CAMTA1: variants seen among roughly 807,000 people sequenced by gnomAD.
The protein encoded by CAMTA1 is calmodulin-binding transcription activator 1.
Under a neutral mutation model 170.9 loss-of-function variants are expected in CAMTA1, and 27 were observed. The observed-to-expected ratio is 0.16, with a 90% CI of 0.12 to 0.22. The LOEUF is 0.22. Among genes scored for constraint, CAMTA1 ranks in the 10% least tolerant of loss-of-function variants. CAMTA1 has a pLI of 1.00. For missense variants in CAMTA1, 1,619 were observed against 2,217.2 expected (o/e 0.73, Z 5.42); for synonymous variants, 833 against 891.5 (o/e 0.93, Z 1.17).
chr1:7,541,650 C>T (rs909964748), intron 6 of CAMTA1, among the ~76,000 whole-genome samples: 6 of 152,192 alleles, frequency 3.9e-5, no homozygotes, highest in Admixed American at 6.5e-5. Flanking sequence ...ACATTTTCCC[C>T]GGCATGCACC....
chr1:7,504,204 C>T (rs748014733), intron 6 of CAMTA1, among the ~76,000 whole-genome samples: 3 of 152,212 alleles, frequency 2.0e-5, no homozygotes, highest in South Asian at 2.1e-4. Flanking sequence ...ATCAGCCTCC[C>T]GGGTCCTGCC....
chr1:7,703,918 G>C (rs1049816527), intron 11 of CAMTA1, among the ~76,000 whole-genome samples: 1 of 152,102 alleles, frequency 6.6e-6, no homozygotes, highest in East Asian at 2.0e-4. Context: ...GCTGGAGCTG[G>C]AACTTTGGAA....
chr1:7,592,017 G>A lies in CAMTA1; in HGVS notation c.511-48383G>A, dbSNP rs1039491082. ...GGGTTCAAGTGATTCTCCTGCCTCA[G>A]CCTCCTAAGTAGCTGGGATTACAGG... On this transcript the variant is annotated intron_variant, in intron 6 of 22. Transcript: ENST00000303635. The surrounding 1 kb of genome is among the most constrained non-coding windows in gnomAD (Gnocchi z 4.6). Among the ~76,000 whole-genome samples, 1 of 152,186 alleles carries A rather than the reference G, an allele frequency of 6.6e-6. No homozygotes were observed. The highest frequency in any genetic ancestry group is 2.4e-5 in the African/African-American group (1 of 41,450).
chr1:7,554,673 G>T (rs573418998), intron 6 of CAMTA1, among the ~76,000 whole-genome samples: 1 of 152,082 alleles, frequency 6.6e-6, no homozygotes, highest in African/African-American at 2.4e-5. Context: ...AAACACTGAC[G>T]ATGTCCCTCC....
At chr1:7,464,970 T>C (rs1456202938) in intron 5 of CAMTA1, among the ~76,000 whole-genome samples, 1 of 152,168 alleles carries the variant, frequency 6.6e-6, no homozygotes, top group Non-Finnish European at 1.5e-5. Flanking sequence ...GTGAGCTGCT[T>C]TCCCCACTTG....
chr1:7,325,480 G>T lies in CAMTA1; in HGVS notation c.438+75854G>T, dbSNP rs1679142036. On this transcript the variant is annotated intron_variant, in intron 5 of 22. Transcript: ENST00000303635. The surrounding 1 kb of genome is among the most constrained non-coding windows in gnomAD (Gnocchi z 5.0). ...GAGCACGTTCAAAGACAGCAAGGAAGCCAGCGTGGCAGGGCCAGCTAGGAT... is the reference window on the plus strand; with the variant it reads ...GAGCACGTTCAAAGACAGCAAGGAATCCAGCGTGGCAGGGCCAGCTAGGAT... Among the ~76,000 whole-genome samples, 2 of 152,180 alleles carry T rather than the reference G, an allele frequency of 1.3e-5. No homozygotes were observed. The highest frequency in any genetic ancestry group is 4.1e-4 in the South Asian group (2 of 4,826).
At chr1:7,342,679 G>C (rs2083922717) in intron 5 of CAMTA1, among the ~76,000 whole-genome samples, 1 of 152,188 alleles carries the variant, frequency 6.6e-6, no homozygotes, top group Non-Finnish European at 1.5e-5. Context: ...TGGAAATAAG[G>C]GGAGAATAGG....
rs961309278 is a variant in CAMTA1, at chr1:7,455,229, T to C, written c.439-12601T>C. Among the ~76,000 whole-genome samples the C allele has an allele frequency of 6.6e-6, 1 of 152,190 alleles. No individual in the cohort carries two copies. Among genetic ancestry groups the C allele is most frequent in the East Asian group, 1.9e-4 (1 of 5,192 alleles). ...CTAGTGCAGGAGCCGCGGCTCGGCA[T>C]GGTTCTGCGTGTGTGTTTCCGACAC... is the stretch of plus-strand genomic sequence containing the variant. On this transcript the variant is annotated intron_variant, in intron 5 of 22. Transcript: ENST00000303635. This position sits in a 1 kb window ranked among gnomAD's most constrained non-coding sequence, Gnocchi z 5.0.
At chr1:7,601,689 G>A (rs1462619773) in intron 6 of CAMTA1, among the ~76,000 whole-genome samples, 2 of 152,268 alleles carry the variant, frequency 1.3e-5, no homozygotes, top group Non-Finnish European at 1.5e-5. Flanking sequence ...CTGCAATCCC[G>A]GCACCTCGGG....
chr1:7,023,322 A>T (rs1011191995), intron 3 of CAMTA1, among the ~76,000 whole-genome samples: 2 of 152,238 alleles, frequency 1.3e-5, no homozygotes, highest in African/African-American at 4.8e-5. Flanking sequence ...ATGGGGGATG[A>T]TTCCTCAACA....
chr1:7,060,991 CT>C (rs1171610817), intron 3 of CAMTA1, among the ~76,000 whole-genome samples: 1 of 152,104 alleles, frequency 6.6e-6, no homozygotes, highest in African/African-American at 2.4e-5. Flanking sequence ...CTTCCTCCTT[CT>C]TTTTTTATTC....
intron 5 of CAMTA1, among the ~76,000 whole-genome samples, chr1:7,340,964 C>T (rs763172): frequency 0.26 from 39,934 of 152,082 alleles, 5,935 homozygotes; most frequent in East Asian, 0.6. Context: ...TAAGCCTAGG[C>T]TGTATATTTA....
chr1:7,285,743 G>C (rs1013188636), intron 5 of CAMTA1, among the ~76,000 whole-genome samples: 1 of 152,122 alleles, frequency 6.6e-6, no homozygotes, highest in South Asian at 2.1e-4. Flanking sequence ...AGATTCACAT[G>C]GGCCTGCTTT....
At chr1:6,789,804 CTTTTTTTTTT>C (rs34542033) in intron 1 of CAMTA1, among the ~76,000 whole-genome samples, 5 of 85,662 alleles carry the variant, frequency 5.8e-5, no homozygotes, top group Non-Finnish European at 8.6e-5. Context: ...TTTAGTGTAT[CTTTTTTTTTT>C]TTTTTTTTTT....
At position 6,934,093 on chromosome 1, in the gene CAMTA1, C is replaced by T. The variant is rs1175038350; in HGVS notation, c.234+108883C>T. ...TTCTGGAGCTATGCCACCTGCTGTC[C>T]TGCCACACCGGTGGGTGTAGGACCA... On this transcript the variant is annotated intron_variant, in intron 3 of 22. Transcript: ENST00000303635. The surrounding 1 kb of genome is among the most constrained non-coding windows in gnomAD (Gnocchi z 4.5). Among the ~76,000 whole-genome samples, 1 of 152,236 alleles carries T rather than the reference C, an allele frequency of 6.6e-6. No homozygotes were observed. The highest frequency in any genetic ancestry group is 2.4e-5 in the African/African-American group (1 of 41,466).
intron 6 of CAMTA1, among the ~76,000 whole-genome samples, chr1:7,608,286 C>T (rs10864308): frequency 0.45 from 68,953 of 152,088 alleles, 18,586 homozygotes; most frequent in African/African-American, 0.74. Context: ...CAAGGTCATG[C>T]AGGTGGTAGA....
At chr1:7,039,725 A>C (rs1189781711) in intron 3 of CAMTA1, among the ~76,000 whole-genome samples, 1 of 152,228 alleles carries the variant, frequency 6.6e-6, no homozygotes, top group Non-Finnish European at 1.5e-5. Context: ...TTAGGTATCC[A>C]AGCACCTAAA....
In CAMTA1 at chr1:7,374,521, C is replaced by G. The variant is rs1461954615; in HGVS notation, c.439-93309C>G. ...AAAAAATTCTGCCTAGCAGTTTGCT[C>G]CATTGCAGCCTTGCCTGGGTGGAAG... On this transcript the variant is annotated intron_variant, in intron 5 of 22. Transcript: ENST00000303635. Among the ~76,000 whole-genome samples, 3 of 152,234 alleles carry G rather than the reference C, an allele frequency of 2.0e-5. No individual in the cohort carries two copies. In the East Asian group the frequency reaches 5.8e-4, roughly 29 times the overall value.
intron 5 of CAMTA1, among the ~76,000 whole-genome samples, chr1:7,348,208 T>C (rs1250276437): frequency 6.6e-6 from 1 of 152,216 alleles, no homozygotes; most frequent in African/African-American, 2.4e-5. Context: ...TCTTGTGGCC[T>C]CTGGTTCTCA....
Sources: gnomAD v4.1 joint callset for allele counts (sites outside exome capture counted in the v4.1 genomes callset) on GRCh38, gnomAD v4.1.1 for gene constraint, Gnocchi (gnomAD v3.1) non-coding constraint, MANE v1.5 for transcripts, NCBI Gene and HGNC (gene_info 2026-07-23, HGNC 2026-07-21) for gene names.